Variants in KDM4C observed in about 807,000 individuals in gnomAD.
The protein encoded by KDM4C is lysine-specific demethylase 4C.
Under a neutral mutation model 129.3 loss-of-function variants are expected in KDM4C, and 81 were observed. The ratio of observed to expected loss-of-function variants is 0.63; its 90% CI spans 0.52 to 0.75. The LOEUF (loss-of-function observed/expected upper bound fraction) is 0.75, where lower values mean the gene tolerates loss of function less well. Among genes scored for constraint, KDM4C ranks in the 30% least tolerant of loss-of-function variants. The pLI, the probability that KDM4C is intolerant of heterozygous loss-of-function variation, is 0.00. For synonymous variants in KDM4C, 573 were observed against 456.1 expected (o/e 1.26, Z -3.26); for missense variants, 1,457 against 1,304.0 (o/e 1.12, Z -1.81).
chr9:6,932,111 G>C (rs58361204), intron 8 of KDM4C, among the ~76,000 whole-genome samples: 38,412 of 152,002 alleles, frequency 0.25, 5,335 homozygotes, highest in South Asian at 0.39. Flanking sequence ...GTTTGGGGTG[G>C]GGCCAGAGGG....
intron 11 of KDM4C, among the ~76,000 whole-genome samples, chr9:6,987,358 A>T (rs1817910702): frequency 6.6e-6 from 1 of 152,224 alleles, no homozygotes; most frequent in Non-Finnish European, 1.5e-5. Context: ...GGAAAATTGT[A>T]CAATATTGTC....
intron 3 of KDM4C, among the ~76,000 whole-genome samples, chr9:6,806,750 C>T (rs1042142389): frequency 6.6e-6 from 1 of 152,094 alleles, no homozygotes; most frequent in Non-Finnish European, 1.5e-5. Context: ...ATATGGACTG[C>T]TCTTCATGTC....
At chr9:7,136,432 T>G (rs1166686584) in intron 19 of KDM4C, among the ~76,000 whole-genome samples, 1 of 152,224 alleles carries the variant, frequency 6.6e-6, no homozygotes, top group African/African-American at 2.4e-5. Context: ...GGCTGTGCCA[T>G]TTTATCTTCC....
chr9:6,976,916 A>G (rs1589419500), intron 8 of KDM4C, among the ~76,000 whole-genome samples: 1 of 152,032 alleles, frequency 6.6e-6, no homozygotes, highest in African/African-American at 2.4e-5. Context: ...ATAGGACAGC[A>G]TAGGTCTAGA....
At chr9:6,916,244 C>G (rs1360716755) in intron 8 of KDM4C, among the ~76,000 whole-genome samples, 1 of 151,678 alleles carries the variant, frequency 6.6e-6, no homozygotes. Context: ...TTATCCGGAC[C>G]TTTTTTATTC....
intron 11 of KDM4C, among the ~76,000 whole-genome samples, chr9:6,988,257 G>C (rs970893046): frequency 1.3e-5 from 2 of 151,724 alleles, no homozygotes; most frequent in Non-Finnish European, 2.9e-5. Flanking sequence ...CTTTGGACAG[G>C]TGACTGAGTC....
chr9:6,735,244 CTT>C (rs1817491148), intron 1 of KDM4C, among the ~76,000 whole-genome samples: 1 of 151,976 alleles, frequency 6.6e-6, no homozygotes, highest in Admixed American at 6.6e-5. Flanking sequence ...CACCTGACCT[CTT>C]TTGTTTTGGT....
intron 1 of KDM4C, among the ~76,000 whole-genome samples, chr9:6,740,165 C>A (rs1817639159): frequency 6.6e-6 from 1 of 152,018 alleles, no homozygotes; most frequent in Admixed American, 6.6e-5. Flanking sequence ...GCTGGAATTA[C>A]AGGTGTGCGA....
chr9:7,049,063 G>A (rs1261876938), intron 16 of KDM4C, 29 bp from the exon 17 acceptor site: 3 of 1,509,912 alleles, frequency 2.0e-6, no homozygotes, highest in Non-Finnish European at 2.8e-6. Flanking sequence ...GGGAACTTTT[G>A]TTTATGTTTA....
At chr9:6,967,275 T>C (rs1278157530) in intron 8 of KDM4C, among the ~76,000 whole-genome samples, 1 of 151,688 alleles carries the variant, frequency 6.6e-6, no homozygotes, top group Non-Finnish European at 1.5e-5. Flanking sequence ...AATACAAATA[T>C]TAGCCGGGCT....
chr9:7,164,806 A>G (rs1028286228), intron 19 of KDM4C, among the ~76,000 whole-genome samples: 2 of 152,152 alleles, frequency 1.3e-5, no homozygotes, highest in Non-Finnish European at 2.9e-5. Context: ...GGGATAATTA[A>G]TAGTCTCTTT....
At chr9:6,934,912 G>C (rs529798128) in intron 8 of KDM4C, among the ~76,000 whole-genome samples, 3 of 151,378 alleles carry the variant, frequency 2.0e-5, no homozygotes, top group East Asian at 1.9e-4. Context: ...AGGTATACCA[G>C]ATTTCTTTAT....
chr9:6,757,929 G>T (rs57623331), upstream of KDM4C: 1,653 of 985,298 alleles, frequency 1.7e-3, 21 homozygotes, highest in African/African-American at 0.027. Flanking sequence ...CACCAAGTGC[G>T]GGCCCCAGCG....
At chr9:7,124,574 A>G (rs1839841242) in intron 18 of KDM4C, among the ~76,000 whole-genome samples, 1 of 152,190 alleles carries the variant, frequency 6.6e-6, no homozygotes, top group African/African-American at 2.4e-5. Context: ...AAAAGGTTGG[A>G]TATATTTAAA....
intron 1 of KDM4C, chr9:6,748,719 T>G: frequency 6.8e-7 from 1 of 1,479,088 alleles, no homozygotes; most frequent in Non-Finnish European, 9.4e-7. Context: ...GGAGACACTT[T>G]GTAGCAGAGT....
At chr9:7,005,665 A>T (rs1821535261) in intron 12 of KDM4C, among the ~76,000 whole-genome samples, 1 of 152,096 alleles carries the variant, frequency 6.6e-6, no homozygotes, top group African/African-American at 2.4e-5. Context: ...ACCTTTGCAG[A>T]GATTATGTTG....
chr9:6,849,943 A>C lies in KDM4C; in HGVS notation c.629+243A>C, dbSNP rs143222887. Among the ~76,000 whole-genome samples, 1,315 of 152,370 alleles carry C rather than the reference A, an allele frequency of 8.6e-3. 17 individuals carry two copies. The highest frequency in any genetic ancestry group is 0.03 in the African/African-American group (1,250 of 41,592). The stretch of plus-strand genomic sequence containing the variant: ...ACAATGTTTAGATCAATGATGGACC[A>C]CAGATACAACGGTCATCCTGAGTTT... On this transcript the variant is annotated intron_variant, in intron 5 of 21. Transcript: ENST00000381309.
intron 8 of KDM4C, among the ~76,000 whole-genome samples, chr9:6,948,629 C>T (rs373356607): frequency 4.6e-5 from 7 of 151,002 alleles, no homozygotes; most frequent in African/African-American, 1.2e-4. Flanking sequence ...GAGGACCCTG[C>T]GGCCTTCCGC....
At chr9:7,048,257 C>T (rs990443844) in intron 16 of KDM4C, among the ~76,000 whole-genome samples, 1 of 152,020 alleles carries the variant, frequency 6.6e-6, no homozygotes. Flanking sequence ...GTATTTATTT[C>T]GATGTGGAAG....
Sources: gnomAD v4.1 joint callset for allele counts (sites outside exome capture counted in the v4.1 genomes callset) on GRCh38, gnomAD v4.1.1 for gene constraint, MANE v1.5 for transcripts, NCBI Gene and HGNC (gene_info 2026-07-23, HGNC 2026-07-21) for gene names.